KCND2: variants seen among roughly 807,000 people sequenced by gnomAD.
The protein encoded by KCND2 is potassium voltage-gated channel subfamily D member 2, also known as A-type voltage-gated potassium channel KCND2.
A neutral mutation model predicts 54.4 loss-of-function variants in KCND2; 16 were observed. That is an observed-to-expected ratio of 0.29 (90% CI 0.20 to 0.45). The LOEUF (loss-of-function observed/expected upper bound fraction) is 0.45, where lower values mean the gene tolerates loss of function less well. KCND2 is among the 20% of genes least tolerant of loss of function. KCND2 has a pLI of 1.00. For missense variants in KCND2, 486 were observed against 824.2 expected (o/e 0.59, Z 5.02); for synonymous variants, 317 against 310.7 (o/e 1.02, Z -0.21).
chr7:120,341,855 G>T (rs1800243652), intron 1 of KCND2, among the ~76,000 whole-genome samples: 1 of 152,036 alleles, frequency 6.6e-6, no homozygotes, highest in African/African-American at 2.4e-5. Context: ...ATCATTAAAT[G>T]GTTGCAACAG....
intron 4 of KCND2, among the ~76,000 whole-genome samples, chr7:120,745,104 T>TAGG (rs969132922): frequency 1.2e-4 from 18 of 152,116 alleles, no homozygotes; most frequent in Non-Finnish European, 1.8e-4. Context: ...AGTGATGTAT[T>TAGG]ACGAAGATTA....
chr7:120,429,631 G>C (rs1801763305), intron 1 of KCND2, among the ~76,000 whole-genome samples: 1 of 152,176 alleles, frequency 6.6e-6, no homozygotes, highest in South Asian at 2.1e-4. Flanking sequence ...TTGTGTGAAA[G>C]AACTAGTGAG....
intron 1 of KCND2, among the ~76,000 whole-genome samples, chr7:120,446,431 A>G (rs1280830746): frequency 6.6e-6 from 1 of 152,164 alleles, no homozygotes; most frequent in African/African-American, 2.4e-5. Flanking sequence ...CTTACCTGCC[A>G]TGTTAATCTC....
chr7:120,615,124 AT>A (rs1286376098), intron 1 of KCND2, among the ~76,000 whole-genome samples: 2 of 152,206 alleles, frequency 1.3e-5, no homozygotes, highest in African/African-American at 4.8e-5. Context: ...CAGTAACAAT[AT>A]GAGGGCTCGG....
chr7:120,644,813 A>C (rs1793418514), intron 1 of KCND2, among the ~76,000 whole-genome samples: 1 of 152,238 alleles, frequency 6.6e-6, no homozygotes, highest in South Asian at 2.1e-4. Context: ...TCTAGTATTT[A>C]TCTCTTATCC....
intron 1 of KCND2, among the ~76,000 whole-genome samples, chr7:120,506,948 AG>A: frequency 6.6e-6 from 1 of 151,856 alleles, no homozygotes; most frequent in East Asian, 1.9e-4. Flanking sequence ...CCCACAAAAA[AG>A]AAAGAGCCAA....
At chr7:120,406,035 G>T (rs1294504975) in intron 1 of KCND2, among the ~76,000 whole-genome samples, 1 of 151,856 alleles carries the variant, frequency 6.6e-6, no homozygotes, top group Non-Finnish European at 1.5e-5. Flanking sequence ...TCTTATGAAG[G>T]TGGTATAAAG....
At chr7:120,566,233 C>T (rs559580953) in intron 1 of KCND2, among the ~76,000 whole-genome samples, 4 of 152,268 alleles carry the variant, frequency 2.6e-5, no homozygotes, top group East Asian at 3.9e-4. Context: ...GGAAAAGAGA[C>T]CTTGATCTCA....
At chr7:120,332,587 T>C (rs1161732152) in intron 1 of KCND2, among the ~76,000 whole-genome samples, 1 of 152,106 alleles carries the variant, frequency 6.6e-6, no homozygotes, top group Non-Finnish European at 1.5e-5. Flanking sequence ...GTACGCTTTC[T>C]TAAATGCTTC....
In KCND2 at chr7:120,651,186, TTTG is replaced by T. The variant is rs1424602679; in HGVS notation, c.1116-81714_1116-81712del. On this transcript the variant is annotated intron_variant, in intron 1 of 5. Transcript: ENST00000331113. ...AAGCCTGCAGAGGTTTCTGCTGCCT[TTTG>T]TTCAGCTATGCCCTGCCCCCAGAGG... Among the ~76,000 whole-genome samples the T allele has an allele frequency of 1.4e-5, 2 of 143,290 alleles. 1 individual carries two copies. The highest frequency in any genetic ancestry group is 3.0e-5 in the Non-Finnish European group (2 of 65,910). The allele number at this position is 143,290 out of a possible 152,430, so 94.0% of individuals were successfully genotyped here. A position where few individuals can be genotyped will look rare whatever the true frequency, so the allele number is the denominator to read the frequency against.
chr7:120,514,425 C>A (rs891003415), intron 1 of KCND2, among the ~76,000 whole-genome samples: 2 of 152,116 alleles, frequency 1.3e-5, no homozygotes, highest in Admixed American at 6.6e-5. Flanking sequence ...CATACAAACA[C>A]CCCACAAATA....
intron 1 of KCND2, among the ~76,000 whole-genome samples, chr7:120,294,454 ATAAT>A (rs1584716599): frequency 1.3e-5 from 2 of 151,966 alleles, no homozygotes; most frequent in South Asian, 2.1e-4. Flanking sequence ...TTTTTCTCCT[ATAAT>A]TAATTGTATT....
chr7:120,505,213 G>C (rs909397546), intron 1 of KCND2, among the ~76,000 whole-genome samples: 9 of 151,450 alleles, frequency 5.9e-5, no homozygotes, highest in Admixed American at 6.6e-5. Flanking sequence ...GAAGACTGGC[G>C]TGAGGTGGCC....
intron 1 of KCND2, among the ~76,000 whole-genome samples, chr7:120,533,653 C>T (rs1279537048): frequency 6.6e-6 from 1 of 152,002 alleles, no homozygotes; most frequent in East Asian, 1.9e-4. Flanking sequence ...TGGCAAAGTA[C>T]TGCTGGTCAT....
At chr7:120,475,777 C>T (rs552265487) in intron 1 of KCND2, among the ~76,000 whole-genome samples, 1 of 152,258 alleles carries the variant, frequency 6.6e-6, no homozygotes, top group East Asian at 1.9e-4. Flanking sequence ...GTGTGTAATG[C>T]TGTGGCAATA....
rs138036066 is a variant in KCND2 at position 120,584,749 on chromosome 7, C to T, written c.1116-148154C>T. ...CAGACTGTGCACACTCACGTGCTCA[C>T]GCACACACACGCATGCGCGTGCACA... On this transcript the variant is annotated intron_variant, in intron 1 of 5. Transcript: ENST00000331113. Among the ~76,000 whole-genome samples the T allele has an allele frequency of 5.3e-5, 8 of 152,324 alleles. No homozygotes were observed. The East Asian group carries it at 9.6e-4, about 18-fold the overall frequency.
At chr7:120,337,681 A>G (rs1205847827) in intron 1 of KCND2, among the ~76,000 whole-genome samples, 1 of 152,180 alleles carries the variant, frequency 6.6e-6, no homozygotes, top group Admixed American at 6.6e-5. Context: ...AACACCTGCA[A>G]ATAACATGTG....
intron 1 of KCND2, among the ~76,000 whole-genome samples, chr7:120,376,332 G>A (rs993143883): frequency 6.6e-5 from 10 of 151,572 alleles, no homozygotes; most frequent in South Asian, 2.1e-4. Context: ...CCTTGCAAAC[G>A]TCTTCTGCCA....
intron 1 of KCND2, among the ~76,000 whole-genome samples, chr7:120,317,765 G>A (rs1799834271): frequency 6.6e-6 from 1 of 152,110 alleles, no homozygotes; most frequent in African/African-American, 2.4e-5. Context: ...CTGTGCATGT[G>A]TAATTAAGTG....
Sources: gnomAD v4.1 joint callset for allele counts (sites outside exome capture counted in the v4.1 genomes callset) on GRCh38, gnomAD v4.1.1 for gene constraint, MANE v1.5 for transcripts, NCBI Gene and HGNC (gene_info 2026-07-23, HGNC 2026-07-21) for gene names.